The following PITPNC1 variants were observed in gnomAD, a reference collection of about 807,000 sequenced individuals.
PITPNC1 encodes phosphatidylinositol transfer protein cytoplasmic 1.
In PITPNC1, 18 loss-of-function variants were observed where a neutral mutation model predicts 44.7. The ratio of observed to expected loss-of-function variants is 0.40; its 90% CI spans 0.28 to 0.60. The LOEUF is 0.60. Among genes scored for constraint, PITPNC1 ranks in the 20% least tolerant of loss-of-function variants. The probability of loss-of-function intolerance (pLI) is 0.39; values close to 1 mark genes in which losing one functional copy is unlikely to be tolerated. For synonymous variants in PITPNC1, 141 were observed against 149.6 expected, an observed-to-expected ratio of 0.94 and a Z score of 0.42; for missense variants, 290 against 418.4, an observed-to-expected ratio of 0.69 and a Z score of 2.68.
intron 1 of PITPNC1, chr17:67,378,955 G>A (rs2037914843): frequency 2.0e-6 from 2 of 984,994 alleles, no homozygotes; most frequent in African/African-American, 1.7e-5. Context: ...CCGGGCGCGG[G>A]GCGGGGGCTC....
intron 4 of PITPNC1, among the ~76,000 whole-genome samples, chr17:67,558,423 G>A (rs1167215547): frequency 6.6e-6 from 1 of 151,778 alleles, no homozygotes; most frequent in Non-Finnish European, 1.5e-5. Flanking sequence ...TGCCTGAGGA[G>A]ACTGGCTGCC....
At chr17:67,396,215 C>T (rs2038217868) in intron 1 of PITPNC1, among the ~76,000 whole-genome samples, 1 of 151,992 alleles carries the variant, frequency 6.6e-6, no homozygotes, top group Admixed American at 6.6e-5. Context: ...TCCCCTTAAG[C>T]CTTTTCAGGA....
chr17:67,632,226 C>A lies in PITPNC1; in HGVS notation c.450C>A (p.Tyr150Ter). Residue 150 changes from tyrosine to a stop codon, truncating the protein, a stop_gained, in exon 6 of 9, where the codon TAC (tyrosine) becomes TAA (stop). Transcript: ENST00000581322. LOFTEE classifies it high-confidence loss of function. ...GCGATGAAATTCCAGAGCGCTACTA[C>A]AAAGAATCTGAGGTAAGCAACAGTT... Reference protein sequence around the residue: ...IACDEIPERYYKESEDPKHFK... With the variant: ...IACDEIPERY 6.3e-7 allele frequency: 1 copy of A among 1,599,176 alleles called. No individual in the cohort carries two copies. Among genetic ancestry groups the A allele is most frequent in the Non-Finnish European group, 8.6e-7 (1 of 1,166,452 alleles).
At chr17:67,631,419 G>A (rs1241341150) in intron 5 of PITPNC1, among the ~76,000 whole-genome samples, 2 of 144,384 alleles carry the variant, frequency 1.4e-5, no homozygotes, top group African/African-American at 5.1e-5. Context: ...CACGAGGTCA[G>A]GAGATCGAGA....
intron 1 of PITPNC1, 114 bp from the exon 2 acceptor site, chr17:67,532,688 C>T: frequency 1.3e-6 from 1 of 780,844 alleles, no homozygotes; most frequent in Non-Finnish European, 2.0e-6. Context: ...TGGCTGCCTT[C>T]TCTTCTCAGC....
At chr17:67,381,311 G>A (rs1350789664) in intron 1 of PITPNC1, among the ~76,000 whole-genome samples, 1 of 100,218 alleles carries the variant, frequency 1.0e-5, no homozygotes, top group African/African-American at 3.9e-5. Context: ...CTGGGCGACA[G>A]AACAAGACTC....
intron 1 of PITPNC1, among the ~76,000 whole-genome samples, chr17:67,385,758 T>G (rs1598602034): frequency 6.9e-6 from 1 of 144,822 alleles, no homozygotes; most frequent in Non-Finnish European, 1.5e-5. Context: ...TTTTTTTTTT[T>G]GTCATAACGG....
intron 1 of PITPNC1, among the ~76,000 whole-genome samples, chr17:67,491,841 CAAAACCA>C (rs1320850487): frequency 6.6e-6 from 1 of 151,962 alleles, no homozygotes; most frequent in Non-Finnish European, 1.5e-5. Flanking sequence ...AAAACAACGA[CAAAACCA>C]AAAACCAAAA....
At chr17:67,582,033 C>CA (rs1311679337) in intron 5 of PITPNC1, among the ~76,000 whole-genome samples, 10 of 147,644 alleles carry the variant, frequency 6.8e-5, no homozygotes, top group East Asian at 2.0e-4. Flanking sequence ...AACTCTGTCT[C>CA]AAAAAAAAAG....
At chr17:67,428,171 T>G (rs1053878640) in intron 1 of PITPNC1, among the ~76,000 whole-genome samples, 3 of 152,076 alleles carry the variant, frequency 2.0e-5, no homozygotes, top group African/African-American at 7.2e-5. Flanking sequence ...AGTCTTCTAT[T>G]TAAATAATGC....
At chr17:67,444,147 A>G (rs1306956981) in intron 1 of PITPNC1, among the ~76,000 whole-genome samples, 1 of 151,912 alleles carries the variant, frequency 6.6e-6, no homozygotes, top group Non-Finnish European at 1.5e-5. Context: ...CCGCTCTGCT[A>G]CCCCCATCCC....
intron 5 of PITPNC1, among the ~76,000 whole-genome samples, chr17:67,622,656 G>A (rs1230451596): frequency 1.3e-5 from 2 of 151,788 alleles, no homozygotes; most frequent in African/African-American, 4.8e-5. Context: ...GAGGCAGTTG[G>A]ATCACTTGAG....
intron 1 of PITPNC1, among the ~76,000 whole-genome samples, chr17:67,381,302 T>C (rs1198793959): frequency 8.5e-6 from 1 of 117,010 alleles, no homozygotes; most frequent in Non-Finnish European, 1.7e-5. Context: ...CACTCCAGCC[T>C]GGGCGACAGA....
At chr17:67,577,290 CAAAAAT>C (rs2041162540) in intron 4 of PITPNC1, among the ~76,000 whole-genome samples, 1 of 151,556 alleles carries the variant, frequency 6.6e-6, no homozygotes, top group African/African-American at 2.4e-5. Flanking sequence ...GACTCTGTCT[CAAAAAT>C]AAAAATAAAA....
chr17:67,434,458 C>A (rs879135522), intron 1 of PITPNC1, among the ~76,000 whole-genome samples: 1 of 152,086 alleles, frequency 6.6e-6, no homozygotes, highest in African/African-American at 2.4e-5. Flanking sequence ...CATAACCTTT[C>A]TTAGGGCCCT....
intron 1 of PITPNC1, among the ~76,000 whole-genome samples, chr17:67,522,657 A>ATTTTTT (rs1219049449): frequency 1.7e-5 from 1 of 59,966 alleles, no homozygotes; most frequent in African/African-American, 1.0e-4. Flanking sequence ...TACCATTTTA[A>ATTTTTT]TCTTTTTTTT....
intron 1 of PITPNC1, among the ~76,000 whole-genome samples, chr17:67,442,503 A>T (rs2039030481): frequency 1.3e-5 from 2 of 151,356 alleles, no homozygotes; most frequent in African/African-American, 4.8e-5. Flanking sequence ...TAGAATTTGG[A>T]TGTATTTTCA....
chr17:67,420,341 TTC>T (rs773875989), intron 1 of PITPNC1, among the ~76,000 whole-genome samples: 202 of 150,908 alleles, frequency 1.3e-3, no homozygotes, highest in Non-Finnish European at 2.2e-3. Flanking sequence ...CACTTCTATT[TTC>T]TCTCTCTCTT....
intron 5 of PITPNC1, among the ~76,000 whole-genome samples, chr17:67,596,463 C>A (rs2041461278): frequency 6.6e-6 from 1 of 152,046 alleles, no homozygotes; most frequent in Admixed American, 6.6e-5. Context: ...TACGTAACTG[C>A]ATACTGTTCC....
Sources: gnomAD v4.1 joint callset for allele counts (sites outside exome capture counted in the v4.1 genomes callset) on GRCh38, gnomAD v4.1.1 for gene constraint, MANE v1.5 for transcripts, NCBI Gene and HGNC (gene_info 2026-07-23, HGNC 2026-07-21) for gene names.